MDGA2: variants seen among roughly 807,000 people sequenced by gnomAD.
MDGA2 encodes MAM domain-containing glycosylphosphatidylinositol anchor protein 2.
In MDGA2, 40 loss-of-function variants were observed where a neutral mutation model predicts 117.8. That is an observed-to-expected ratio of 0.34 (90% confidence interval 0.26 to 0.44). The LOEUF (loss-of-function observed/expected upper bound fraction) is 0.44. Ranked by LOEUF, MDGA2 falls within the 20% of genes least tolerant of loss-of-function variation. MDGA2 has a pLI of 1.00. For synonymous variants in MDGA2, 452 were observed against 439.0 expected, an observed-to-expected ratio of 1.03 and a Z score of -0.37; for missense variants, 1,123 against 1,250.6, an observed-to-expected ratio of 0.90 and a Z score of 1.54.
intron 6 of MDGA2, among the ~76,000 whole-genome samples, chr14:47,074,303 C>CTTT (rs35598400): frequency 6.9e-6 from 1 of 144,964 alleles, no homozygotes. Context: ...AGTAACAGAA[C>CTTT]TTTTTTTTTT....
At chr14:47,081,982 CTTT>C (rs879425629) in intron 6 of MDGA2, among the ~76,000 whole-genome samples, 7 of 151,978 alleles carry the variant, frequency 4.6e-5, no homozygotes, top group Non-Finnish European at 1.0e-4. Context: ...GCAAAAGCTC[CTTT>C]AACTATAGAT....
At chr14:47,175,388 C>T (rs1251256444) in intron 3 of MDGA2, among the ~76,000 whole-genome samples, 1 of 151,182 alleles carries the variant, frequency 6.6e-6, no homozygotes, top group Non-Finnish European at 1.5e-5. Context: ...AACATTGATG[C>T]AAAAATCCTC....
At chr14:47,387,368 G>A (rs947042129) in intron 1 of MDGA2, among the ~76,000 whole-genome samples, 3 of 151,976 alleles carry the variant, frequency 2.0e-5, no homozygotes, top group African/African-American at 7.2e-5. Flanking sequence ...ATGGAAGCTG[G>A]AGGTGGAGAC....
chr14:47,074,551 C>T (rs1566608850), intron 6 of MDGA2, among the ~76,000 whole-genome samples: 1 of 152,224 alleles, frequency 6.6e-6, no homozygotes, highest in Admixed American at 6.5e-5. Flanking sequence ...CCGCCCGCTT[C>T]GCCCTCCCAG....
rs1235593781 is a variant in MDGA2 at position 47,054,566 on chromosome 14, T to C, written c.1525+6683A>G. ...CACCTATGAGTGAGAACATGAGGTG[T>C]TTGGTTTTTTGTCCTTGCGATAGTT... On this transcript the variant is annotated intron_variant, in intron 7 of 16. Transcript: ENST00000399232. Among the ~76,000 whole-genome samples the C allele has an allele frequency of 2.0e-5, 3 of 150,434 alleles. No homozygotes were observed. In the East Asian group the frequency reaches 6.0e-4, roughly 30 times the overall value.
chr14:47,444,220 C>G (rs906527978), intron 1 of MDGA2: 1 of 196,860 alleles, frequency 5.1e-6, no homozygotes. Context: ...GAAGAGCAGA[C>G]TGTTTTGCCA....
At chr14:46,941,511 C>T (rs1429125990) in intron 9 of MDGA2, among the ~76,000 whole-genome samples, 1 of 152,124 alleles carries the variant, frequency 6.6e-6, no homozygotes, top group East Asian at 1.9e-4. Context: ...ATCCATTAAT[C>T]ATTCCTTCAG....
Position 47,544,186 on chromosome 14 carries a change from T to C in MDGA2, c.280+130331A>G, listed in dbSNP as rs139127653. Among the ~76,000 whole-genome samples, 15 of 152,276 alleles carry C rather than the reference T, an allele frequency of 9.9e-5. No homozygotes were observed. In the East Asian group the frequency reaches 2.9e-3, roughly 29 times the overall value. On this transcript the variant is annotated intron_variant, in intron 1 of 16. Transcript: ENST00000399232. ...AATATCACCAGTGAGAAAATAACTG[T>C]TATTAAAAGTCAAATTGTGTTCATG...
At chr14:47,292,764 T>G (rs144997251) in intron 2 of MDGA2, among the ~76,000 whole-genome samples, 1 of 152,158 alleles carries the variant, frequency 6.6e-6, no homozygotes, top group African/African-American at 2.4e-5. Flanking sequence ...TGATCTTCCA[T>G]TATAGCGGAA....
intron 4 of MDGA2, among the ~76,000 whole-genome samples, chr14:47,139,601 A>G (rs1454102521): frequency 6.6e-6 from 1 of 151,730 alleles, no homozygotes; most frequent in African/African-American, 2.4e-5. Context: ...CAACCTAAGG[A>G]GATAAATTTA....
At chr14:47,112,491 T>C (rs967349494) in intron 5 of MDGA2, among the ~76,000 whole-genome samples, 6 of 152,290 alleles carry the variant, frequency 3.9e-5, no homozygotes, top group African/African-American at 1.2e-4. Context: ...AGTAAGAACA[T>C]GCAGTATTTG....
At chr14:47,223,651 A>G (rs1886377558) in intron 2 of MDGA2, among the ~76,000 whole-genome samples, 1 of 152,220 alleles carries the variant, frequency 6.6e-6, no homozygotes, top group South Asian at 2.1e-4. Flanking sequence ...GAAAAACAGA[A>G]GAGTGGATGT....
At chr14:47,560,159 C>T (rs937806511) in intron 1 of MDGA2, among the ~76,000 whole-genome samples, 2 of 151,838 alleles carry the variant, frequency 1.3e-5, no homozygotes, top group African/African-American at 4.8e-5. Flanking sequence ...GCTCCACCTC[C>T]CGGGTTCACG....
At chr14:47,387,765 C>T (rs766295847) in intron 1 of MDGA2, among the ~76,000 whole-genome samples, 17 of 152,156 alleles carry the variant, frequency 1.1e-4, no homozygotes, top group Non-Finnish European at 2.5e-4. Context: ...CTAGACCCTG[C>T]ATAGAATGGA....
At chr14:47,180,758 T>TA (rs1201263555) in intron 3 of MDGA2, among the ~76,000 whole-genome samples, 1 of 151,960 alleles carries the variant, frequency 6.6e-6, no homozygotes, top group African/African-American at 2.4e-5. Context: ...CCGTCTCTAC[T>TA]AAAAATACAA....
intron 10 of MDGA2, among the ~76,000 whole-genome samples, chr14:46,909,163 T>A (rs1001040334): frequency 6.6e-6 from 1 of 152,176 alleles, no homozygotes; most frequent in African/African-American, 2.4e-5. Flanking sequence ...TAGAACATAA[T>A]ACATTTAATT....
chr14:46,882,274 C>T (rs1448636623), intron 10 of MDGA2, 53 bp from the exon 11 acceptor site: 1 of 1,456,948 alleles, frequency 6.9e-7, no homozygotes, highest in African/African-American at 1.5e-5. Flanking sequence ...TTCAGAGGTA[C>T]TAAGAAAATT....
intron 2 of MDGA2, among the ~76,000 whole-genome samples, 168 bp from the exon 3 acceptor site, chr14:47,218,363 T>G (rs1222610995): frequency 6.6e-6 from 1 of 152,120 alleles, no homozygotes. Flanking sequence ...ATTAAAAAAT[T>G]TTTAATGTAA....
intron 5 of MDGA2, among the ~76,000 whole-genome samples, chr14:47,115,230 T>A (rs1157528501): frequency 6.6e-6 from 1 of 152,052 alleles, no homozygotes; most frequent in Admixed American, 6.6e-5. Context: ...AAGAATATAA[T>A]ATCTTGATTG....
Sources: gnomAD v4.1 joint callset for allele counts (sites outside exome capture counted in the v4.1 genomes callset) on GRCh38, gnomAD v4.1.1 for gene constraint, MANE v1.5 for transcripts, NCBI Gene and HGNC (gene_info 2026-07-23, HGNC 2026-07-21) for gene names.